Variants in STMN4 observed in about 807,000 individuals in gnomAD.
STMN4 encodes stathmin-4.
STMN4 carries 12 observed loss-of-function variants against 29.1 expected under a neutral mutation model. The ratio of observed to expected loss-of-function variants is 0.41; its 90% CI spans 0.26 to 0.67. The LOEUF (loss-of-function observed/expected upper bound fraction) is 0.67, where lower values mean the gene tolerates loss of function less well. STMN4 is among the 30% of genes least tolerant of loss of function. STMN4 has a pLI of 0.30. For missense variants in STMN4, 181 were observed against 262.8 expected (o/e 0.69, Z 2.15); for synonymous variants, 114 against 105.3 (o/e 1.08, Z -0.51).
Position 27,236,631 on chromosome 8 carries a change from C to T in STMN4, c.*215G>A. 2.3e-6 allele frequency: 1 copy of T among 443,996 alleles called. No homozygotes were observed. Among genetic ancestry groups the T allele is most frequent in the Admixed American group, 4.3e-5 (1 of 23,158 alleles). 27.5% of individuals were successfully genotyped at this position (443,996 alleles called of 1,614,324 possible). On this transcript the variant is annotated 3_prime_UTR_variant, in exon 7 of 7. Coordinates refer to ENST00000350889, the MANE Select transcript of STMN4 (RefSeq NM_030795.4). ...TTTCCCAAACTCTCTCCTCTCCCCT[C>T]TCCCACCCCGTCATTGTTCCCCGGA...
intron 4 of STMN4, 130 bp from the exon 5 acceptor site, chr8:27,241,392 G>A (rs1801466560): frequency 2.8e-6 from 3 of 1,075,966 alleles, no homozygotes; most frequent in Non-Finnish European, 4.1e-6. Flanking sequence ...GTCTGGCTTA[G>A]TCCTACACCC....
chr8:27,239,274 C>A (rs781759955), intron 6 of STMN4: 2 of 1,535,574 alleles, frequency 1.3e-6, no homozygotes, highest in Non-Finnish European at 1.7e-6. Context: ...GCGCAGCAGG[C>A]GGTTCCTGGA....
Position 27,241,644 on chromosome 8 carries a change from G to C in STMN4, c.190+33C>G, listed in dbSNP as rs764231356. On this transcript the variant is annotated intron_variant, in intron 4 of 6. Coordinates refer to ENST00000350889, the MANE Select transcript of STMN4 (RefSeq NM_030795.4). ...CCGGCCACAGCCCATCTGACGCTCG[G>C]CCTGCGGAATCCCTCCGCTGCCTCC... 7.4e-6 allele frequency: 12 copies of C among 1,613,044 alleles called. No homozygotes were observed. In the African/African-American group the frequency reaches 1.6e-4, roughly 22 times the overall value.
rs751952262 is a variant in STMN4, at chr8:27,242,358, C to T, written c.109+39G>A. 4.4e-6 allele frequency: 7 copies of T among 1,603,046 alleles called. No individual in the cohort carries two copies. The African/African-American group carries it at 5.4e-5, about 12-fold the overall frequency. Reference sequence around the variant, plus strand: ...GACCTATGAGGACAGGACACAGGGCCCCCCCGCCCCTCACTTTCCTGGCTG... The same window carrying T: ...GACCTATGAGGACAGGACACAGGGCTCCCCCGCCCCTCACTTTCCTGGCTG... On this transcript the variant is annotated intron_variant, in intron 3 of 6. Transcript: ENST00000350889.
At chr8:27,245,276 G>A (rs1801593269) in intron 1 of STMN4, among the ~76,000 whole-genome samples, 1 of 152,204 alleles carries the variant, frequency 6.6e-6, no homozygotes, top group African/African-American at 2.4e-5. Context: ...GCTATCAGGT[G>A]CCACATGCCT....
Position 27,241,119 on chromosome 8 carries a change from T to C in STMN4, c.334A>G (p.Arg112Gly). The change falls in exon 5 of 7, where the codon AGG becomes GGG. Residue 112 changes from arginine (R) to glycine (G), a missense_variant. Transcript: ENST00000350889. ...TCTTCCAGGGATGGGTCTCGCCGCC[T>C]TGGCAGGGAGGCGTTGAACTCGGGA... ...GVPEFNASLP[R>G]RRDPSLEEIQ... 8 of 1,614,192 alleles carry C rather than the reference T, an allele frequency of 5.0e-6. No homozygotes were observed. The highest frequency in any genetic ancestry group is 1.3e-5 in the African/African-American group (1 of 75,054).
At chr8:27,242,201 A>G (rs1176435878) in intron 3 of STMN4, 196 bp downstream of exon 3, 4 of 610,870 alleles carry the variant, frequency 6.5e-6, no homozygotes, top group Non-Finnish European at 1.1e-5. Flanking sequence ...GCAGACCTTC[A>G]TGGCCTCCCC....
chr8:27,239,339 C>T, intron 6 of STMN4: 1 of 1,525,906 alleles, frequency 6.6e-7, no homozygotes, highest in Non-Finnish European at 8.8e-7. Context: ...CTGGGGCGGC[C>T]TTGAGACTCA....
chr8:27,243,767 TG>T lies in STMN4; in HGVS notation c.-45del. 6.2e-7 allele frequency: 1 copy of T among 1,613,994 alleles called. No homozygotes were observed. The highest frequency in any genetic ancestry group is 8.5e-7 in the Non-Finnish European group (1 of 1,179,994). Reference sequence around the variant, plus strand: ...CTGAATCTAGCTGAAAGTTACAGAGTGGGTCTGTCACCAGCTTGGGACGCTG... The same window carrying T: ...CTGAATCTAGCTGAAAGTTACAGAGTGGTCTGTCACCAGCTTGGGACGCTG... On this transcript the variant is annotated 5_prime_UTR_variant, in exon 2 of 7. Coordinates refer to ENST00000350889, the MANE Select transcript of STMN4 (RefSeq NM_030795.4).
At chr8:27,252,493 G>A (rs964814396) in intron 1 of STMN4, among the ~76,000 whole-genome samples, 3 of 152,182 alleles carry the variant, frequency 2.0e-5, no homozygotes, top group African/African-American at 7.2e-5. Context: ...GTCTCACTGT[G>A]TTGCCCAGGT....
chr8:27,252,335 A>G (rs1363264530), intron 1 of STMN4, among the ~76,000 whole-genome samples: 2 of 152,188 alleles, frequency 1.3e-5, no homozygotes, highest in African/African-American at 4.8e-5. Flanking sequence ...CAGTAATGGG[A>G]TGGCTGGGTC....
In STMN4 at chr8:27,240,262, C is replaced by A; in HGVS notation, c.400-100G>T. 3.1e-6 allele frequency: 4 copies of A among 1,308,194 alleles called. No individual in the cohort carries two copies. The South Asian group carries it at 5.9e-5, about 19-fold the overall frequency. The allele number at this position is 1,308,194 out of a possible 1,614,324, so 81.0% of individuals were successfully genotyped here. A position where few individuals can be genotyped will look rare whatever the true frequency, so the allele number is the denominator to read the frequency against. On this transcript the variant is annotated intron_variant, in intron 5 of 6. Transcript: ENST00000350889. ...AAAGCTGCACACTCAGAACACTCAC[C>A]TCCCTGGGCCTGGTCCCCAGACCAT... is the stretch of plus-strand genomic sequence containing the variant.
chr8:27,239,574 G>C (rs1801405166), intron 6 of STMN4: 2 of 911,938 alleles, frequency 2.2e-6, no homozygotes, highest in East Asian at 2.7e-5. Context: ...CCGTGACTTA[G>C]AGCCAAGAGC....
At chr8:27,242,727 C>T (rs1017062409) in intron 2 of STMN4, among the ~76,000 whole-genome samples, 1 of 152,220 alleles carries the variant, frequency 6.6e-6, no homozygotes, top group Non-Finnish European at 1.5e-5. Context: ...TCCAGAGCAT[C>T]AGATCCTTCT....
chr8:27,248,866 G>C (rs1324961353), intron 1 of STMN4, among the ~76,000 whole-genome samples: 3 of 152,236 alleles, frequency 2.0e-5, no homozygotes, highest in Non-Finnish European at 4.4e-5. Flanking sequence ...TAGGCTGGAA[G>C]CCAAATAGCA....
chr8:27,237,409 T>A (rs1395965378), intron 6 of STMN4, among the ~76,000 whole-genome samples: 4 of 152,140 alleles, frequency 2.6e-5, no homozygotes, highest in Admixed American at 2.0e-4. Context: ...GATTCTTTGA[T>A]TTTCCTTTGT....
intron 1 of STMN4, among the ~76,000 whole-genome samples, chr8:27,249,986 A>G (rs1368235551): frequency 1.3e-5 from 2 of 152,198 alleles, no homozygotes; most frequent in African/African-American, 4.8e-5. Flanking sequence ...GTACCTGGCA[A>G]GGGTTTCGGA....
Position 27,236,820 on chromosome 8 carries a change from C to A in STMN4, c.*26G>T. On this transcript the variant is annotated 3_prime_UTR_variant, in exon 7 of 7. Transcript: ENST00000350889. ...GAGCTGCTGGAGCTGTCCGGCTGAC[C>A]TGGAAAGTTCTTTGGCCTCTAGGCT... 3 of 1,583,040 alleles carry A rather than the reference C, an allele frequency of 1.9e-6. No homozygotes were observed. The highest frequency in any genetic ancestry group is 2.6e-6 in the Non-Finnish European group (3 of 1,166,956).
At chr8:27,239,932 A>G (rs769623736) in intron 6 of STMN4, 39 bp downstream of exon 6, 1 of 1,614,128 alleles carries the variant, frequency 6.2e-7, no homozygotes, top group Admixed American at 1.7e-5. Context: ...GGAAAACAGC[A>G]TGTCCCAGGA....
Sources: gnomAD v4.1 joint callset for allele counts (sites outside exome capture counted in the v4.1 genomes callset) on GRCh38, gnomAD v4.1.1 for gene constraint, MANE v1.5 for transcripts, NCBI Gene and HGNC (gene_info 2026-07-23, HGNC 2026-07-21) for gene names.